The following CLSTN2 variants were observed in gnomAD, a reference collection of about 807,000 sequenced individuals.
CLSTN2 encodes the protein calsyntenin-2.
CLSTN2 carries 48 observed loss-of-function variants against 101.2 expected under a neutral mutation model. That is an observed-to-expected ratio of 0.47 (90% CI 0.38 to 0.60). The LOEUF (loss-of-function observed/expected upper bound fraction) is 0.60. Among genes scored for constraint, CLSTN2 ranks in the 20% least tolerant of loss-of-function variants. The probability of loss-of-function intolerance (pLI) is 0.00; values close to 1 mark genes in which losing one functional copy is unlikely to be tolerated. For missense variants in CLSTN2, 1,160 were observed against 1,238.2 expected, an observed-to-expected ratio of 0.94 and a Z score of 0.95; for synonymous variants, 481 against 463.6, an observed-to-expected ratio of 1.04 and a Z score of -0.48.
intron 1 of CLSTN2, among the ~76,000 whole-genome samples, chr3:140,132,774 G>T (rs1224616124): frequency 6.6e-6 from 1 of 152,198 alleles, no homozygotes; most frequent in Non-Finnish European, 1.5e-5. Context: ...AATATCCACA[G>T]CTAGTGAATA....
chr3:139,956,126 C>T (rs1221172625), intron 1 of CLSTN2, among the ~76,000 whole-genome samples: 1 of 152,178 alleles, frequency 6.6e-6, no homozygotes, highest in Non-Finnish European at 1.5e-5. Context: ...GTTATGGAAA[C>T]TGAGTCTCAG....
chr3:140,417,195 C>T (rs148148676), intron 4 of CLSTN2, among the ~76,000 whole-genome samples: 403 of 152,278 alleles, frequency 2.6e-3, no homozygotes, highest in African/African-American at 9.2e-3. Context: ...TAACATTTAA[C>T]TATATGTATT....
chr3:140,290,802 C>G lies in CLSTN2; in HGVS notation c.233-112827C>G, dbSNP rs909093970. ...CTCTATCTGATGACCCAACGCCATGCTTTGTGAAAATAGAAGCTACCAGAC... is the reference window on the plus strand; with the variant it reads ...CTCTATCTGATGACCCAACGCCATGGTTTGTGAAAATAGAAGCTACCAGAC... On this transcript the variant is annotated intron_variant, in intron 2 of 16. Transcript: ENST00000458420. Among the ~76,000 whole-genome samples, 6 of 152,198 alleles carry G rather than the reference C, an allele frequency of 3.9e-5. No individual in the cohort carries two copies. The East Asian group carries it at 1.2e-3, about 29-fold the overall frequency.
intron 2 of CLSTN2, among the ~76,000 whole-genome samples, chr3:140,240,309 C>CAA: frequency 6.8e-6 from 1 of 146,386 alleles, no homozygotes; most frequent in African/African-American, 2.5e-5. Context: ...TATATATACA[C>CAA]ACACACACAC....
chr3:140,485,945 T>C (rs1934232616), intron 8 of CLSTN2, among the ~76,000 whole-genome samples: 1 of 151,062 alleles, frequency 6.6e-6, no homozygotes, highest in Non-Finnish European at 1.5e-5. Flanking sequence ...GGCTCACACT[T>C]GGTGCGCTGC....
chr3:140,233,443 T>C (rs759161342), intron 2 of CLSTN2, among the ~76,000 whole-genome samples: 6 of 152,186 alleles, frequency 3.9e-5, no homozygotes, highest in Non-Finnish European at 8.8e-5. Flanking sequence ...TGGTTGTATC[T>C]TCCTTCCTCC....
chr3:139,999,079 G>A (rs2006760045), intron 1 of CLSTN2, among the ~76,000 whole-genome samples: 1 of 152,148 alleles, frequency 6.6e-6, no homozygotes, highest in African/African-American at 2.4e-5. Flanking sequence ...CACATTGCTG[G>A]TGCCAGCCCT....
intron 5 of CLSTN2, among the ~76,000 whole-genome samples, chr3:140,422,657 T>C (rs564892928): frequency 7.2e-5 from 11 of 152,164 alleles, no homozygotes; most frequent in Non-Finnish European, 1.6e-4. Context: ...CATCTTTGTG[T>C]CAGTCTGTTA....
intron 1 of CLSTN2, among the ~76,000 whole-genome samples, chr3:140,171,817 A>G (rs1283026733): frequency 9.9e-6 from 1 of 101,366 alleles, no homozygotes; most frequent in African/African-American, 3.9e-5. Context: ...TATATATTAT[A>G]TATTATATAT....
chr3:140,455,318 A>G (rs1386651343), intron 6 of CLSTN2, among the ~76,000 whole-genome samples: 1 of 152,214 alleles, frequency 6.6e-6, no homozygotes. Context: ...CACTCTTGCC[A>G]TAGGCTCCCT....
In CLSTN2 at chr3:140,298,579, A is replaced by G. The variant is rs1238122668; in HGVS notation, c.233-105050A>G. 2.0e-5 allele frequency among the ~76,000 whole-genome samples: 3 copies of G among 152,310 alleles called. No homozygotes were observed. In the East Asian group the frequency reaches 5.8e-4, roughly 29 times the overall value. ...GCAGCCTGAGCAGGGTTTGTCCCCC[A>G]GGAACACTGGGGAAGCTGTGAAGCC... On this transcript the variant is annotated intron_variant, in intron 2 of 16. Coordinates refer to ENST00000458420, the MANE Select transcript of CLSTN2 (RefSeq NM_022131.3).
chr3:140,285,784 A>G (rs917960172), intron 2 of CLSTN2, among the ~76,000 whole-genome samples: 5 of 152,148 alleles, frequency 3.3e-5, no homozygotes, highest in African/African-American at 1.2e-4. Context: ...TATAAGTTGG[A>G]ACTAGAATAA....
intron 2 of CLSTN2, among the ~76,000 whole-genome samples, chr3:140,305,054 A>ACACT (rs1491321182): frequency 4.5e-4 from 53 of 118,238 alleles, no homozygotes; most frequent in Admixed American, 2.3e-3. Flanking sequence ...ACACACACAC[A>ACACT]CTCTCTCTCT....
At chr3:140,262,517 G>T (rs969243053) in intron 2 of CLSTN2, among the ~76,000 whole-genome samples, 3 of 152,068 alleles carry the variant, frequency 2.0e-5, no homozygotes, top group Admixed American at 6.6e-5. Context: ...TGAATGTGAA[G>T]AAGTAATATT....
chr3:140,321,826 T>G (rs2087285953), intron 2 of CLSTN2, among the ~76,000 whole-genome samples: 1 of 152,244 alleles, frequency 6.6e-6, no homozygotes, highest in South Asian at 2.1e-4. Context: ...TTTTAATGTC[T>G]AGTACAGACT....
intron 10 of CLSTN2, among the ~76,000 whole-genome samples, chr3:140,554,660 G>A (rs533086081): frequency 2.6e-5 from 4 of 152,324 alleles, no homozygotes; most frequent in African/African-American, 9.6e-5. Context: ...TTCACTTGTA[G>A]TGATGTATCC....
rs1169762724 is a variant in CLSTN2 at position 140,419,482 on chromosome 3, C to CAAAAA, written c.638-1634_638-1630dup. On this transcript the variant is annotated intron_variant, in intron 4 of 16. Coordinates refer to ENST00000458420, the MANE Select transcript of CLSTN2 (RefSeq NM_022131.3). ...TGGGTGACAGAGCCAGACTCTGTCT[C>CAAAAA]AAAAAAAAAAAAATATATATATATA... Among the ~76,000 whole-genome samples, 78 of 19,834 alleles carry CAAAAA rather than the reference C, an allele frequency of 3.9e-3. 2 individuals are homozygous for CAAAAA. The highest frequency in any genetic ancestry group is 9.3e-3 in the African/African-American group (12 of 1,296). The allele number at this position is 19,834 out of a possible 152,430, so 13.0% of individuals were successfully genotyped here.
chr3:140,460,599 A>G (rs1343106341), intron 7 of CLSTN2, among the ~76,000 whole-genome samples: 3 of 152,192 alleles, frequency 2.0e-5, no homozygotes, highest in African/African-American at 7.2e-5. Flanking sequence ...TTAGAGGTTG[A>G]CTAACTTGTC....
intron 2 of CLSTN2, among the ~76,000 whole-genome samples, chr3:140,296,521 T>G (rs2087005806): frequency 6.6e-6 from 1 of 152,222 alleles, no homozygotes; most frequent in African/African-American, 2.4e-5. Flanking sequence ...AGTCTCAGCT[T>G]ACTTGTTATA....
Sources: allele counts gnomAD v4.1 joint callset (sites outside exome capture counted in the v4.1 genomes callset), GRCh38; gene constraint gnomAD v4.1.1; transcripts MANE v1.5; gene names NCBI Gene and HGNC (gene_info 2026-07-23, HGNC 2026-07-21).